The following DPYD variants were observed in gnomAD, a reference collection of about 807,000 sequenced individuals.
DPYD encodes the protein dihydropyrimidine dehydrogenase.
A neutral mutation model predicts 116.2 loss-of-function variants in DPYD; 109 were observed. That is an observed-to-expected ratio of 0.94 (90% CI 0.80 to 1.10). DPYD has a LOEUF of 1.10. Among genes scored for constraint, DPYD ranks in the 50% least tolerant of loss-of-function variants. The pLI is 0.00. For synonymous variants in DPYD, 440 were observed against 432.0 expected (o/e 1.02, Z -0.23); for missense variants, 1,302 against 1,254.5 (o/e 1.04, Z -0.57).
At chr1:97,629,060 T>C (rs1657104184) in intron 8 of DPYD, among the ~76,000 whole-genome samples, 1 of 152,072 alleles carries the variant, frequency 6.6e-6, no homozygotes, top group Non-Finnish European at 1.5e-5. Context: ...TCACACAAGT[T>C]GGATGTTTTT....
intron 3 of DPYD, among the ~76,000 whole-genome samples, chr1:97,773,121 A>G (rs773913382): frequency 6.6e-6 from 1 of 152,214 alleles, no homozygotes; most frequent in Non-Finnish European, 1.5e-5. Flanking sequence ...ATAAACACTG[A>G]GTTCTTACAA....
intron 8 of DPYD, among the ~76,000 whole-genome samples, chr1:97,630,384 G>C (rs1657184038): frequency 6.6e-6 from 1 of 151,660 alleles, no homozygotes; most frequent in Admixed American, 6.6e-5. Flanking sequence ...TGTTTAATTT[G>C]GTGTTGCTCT....
chr1:97,252,717 A>G (rs1330099933), intron 18 of DPYD, among the ~76,000 whole-genome samples: 1 of 152,198 alleles, frequency 6.6e-6, no homozygotes, highest in Non-Finnish European at 1.5e-5. Context: ...GTCAACAGAA[A>G]TCATATTAAA....
chr1:97,682,154 T>TATTA (rs1201104920), intron 7 of DPYD, among the ~76,000 whole-genome samples: 3 of 152,174 alleles, frequency 2.0e-5, no homozygotes, highest in Middle Eastern at 3.4e-3. Flanking sequence ...TTATACAGTC[T>TATTA]GATTCTACTC....
chr1:97,286,534 C>A (rs1365913073), intron 18 of DPYD, among the ~76,000 whole-genome samples: 3 of 152,022 alleles, frequency 2.0e-5, no homozygotes, highest in Admixed American at 2.0e-4. Flanking sequence ...TGGTTCCATT[C>A]TCCCCGTCAC....
At chr1:97,870,688 C>CAA (rs1671611592) in intron 2 of DPYD, among the ~76,000 whole-genome samples, 2 of 151,732 alleles carry the variant, frequency 1.3e-5, no homozygotes, top group Non-Finnish European at 2.9e-5. Context: ...AATCACAGCA[C>CAA]TTTATTTAAG....
chr1:97,817,000 C>A (rs1028080271), intron 3 of DPYD, among the ~76,000 whole-genome samples: 3 of 152,214 alleles, frequency 2.0e-5, no homozygotes, highest in African/African-American at 7.2e-5. Context: ...TTCTAATGGA[C>A]TTAAGTCATG....
intron 2 of DPYD, among the ~76,000 whole-genome samples, chr1:97,880,504 A>G (rs1172599079): frequency 1.3e-5 from 2 of 151,856 alleles, no homozygotes; most frequent in East Asian, 1.9e-4. Context: ...CCCTAGCTTC[A>G]TATTTCACTT....
chr1:97,876,596 C>A (rs1352417344), intron 2 of DPYD, among the ~76,000 whole-genome samples: 1 of 151,948 alleles, frequency 6.6e-6, no homozygotes, highest in South Asian at 2.1e-4. Context: ...AGATGATCAT[C>A]ATTCATGATA....
chr1:97,128,964 C>CAAAA (rs1653060813), intron 20 of DPYD, among the ~76,000 whole-genome samples: 6 of 152,072 alleles, frequency 3.9e-5, no homozygotes, highest in Admixed American at 2.0e-4. Context: ...GAAGCCCACC[C>CAAAA]AAACTTTGTC....
chr1:97,643,729 T>C (rs1257678740), intron 8 of DPYD, among the ~76,000 whole-genome samples: 1 of 152,164 alleles, frequency 6.6e-6, no homozygotes, highest in Non-Finnish European at 1.5e-5. Flanking sequence ...GTGGCACATA[T>C]ACACCATGGA....
At chr1:97,628,407 T>C (rs974616583) in intron 8 of DPYD, among the ~76,000 whole-genome samples, 3 of 151,914 alleles carry the variant, frequency 2.0e-5, no homozygotes, top group African/African-American at 7.3e-5. Context: ...AAAGAGAAAA[T>C]ATTCTCAGAC....
At chr1:97,301,606 C>T (rs1666867994) in intron 18 of DPYD, among the ~76,000 whole-genome samples, 1 of 151,856 alleles carries the variant, frequency 6.6e-6, no homozygotes, top group Admixed American at 6.6e-5. Flanking sequence ...AAGTTAAAAA[C>T]ACAAGGAACA....
chr1:97,501,456 C>T (rs1444074404), intron 13 of DPYD, among the ~76,000 whole-genome samples: 2 of 152,016 alleles, frequency 1.3e-5, no homozygotes, highest in Non-Finnish European at 2.9e-5. Context: ...AATCCCAGAA[C>T]TTTGGAAGGC....
intron 21 of DPYD, among the ~76,000 whole-genome samples, chr1:97,089,963 T>G (rs145197074): frequency 7.6e-4 from 116 of 152,090 alleles, no homozygotes; most frequent in African/African-American, 2.7e-3. Flanking sequence ...GATGTTCAAA[T>G]GAAATTCATA....
At chr1:97,656,685 A>G (rs1658921120) in intron 8 of DPYD, among the ~76,000 whole-genome samples, 1 of 152,182 alleles carries the variant, frequency 6.6e-6, no homozygotes, top group African/African-American at 2.4e-5. Context: ...GTGACAATCC[A>G]GGACAGGATA....
intron 14 of DPYD, among the ~76,000 whole-genome samples, chr1:97,443,316 C>T (rs141420760): frequency 0.017 from 2,598 of 151,972 alleles, 39 homozygotes; most frequent in Non-Finnish European, 0.026. Context: ...AAATTTGTCC[C>T]GAATTTTGGC....
At chr1:97,642,714 C>G (rs932622598) in intron 8 of DPYD, among the ~76,000 whole-genome samples, 1 of 117,112 alleles carries the variant, frequency 8.5e-6, no homozygotes, top group Non-Finnish European at 1.6e-5. Flanking sequence ...GGGAACATCA[C>G]ACTCTGGGGA....
intron 1 of DPYD, among the ~76,000 whole-genome samples, chr1:97,900,252 A>G (rs1270926011): frequency 6.6e-6 from 1 of 151,902 alleles, no homozygotes; most frequent in Non-Finnish European, 1.5e-5. Context: ...AAAAGGTGCT[A>G]TACGCACTCT....
Sources: allele counts gnomAD v4.1 joint callset (sites outside exome capture counted in the v4.1 genomes callset), GRCh38; gene constraint gnomAD v4.1.1; transcripts MANE v1.5; gene names NCBI Gene and HGNC (gene_info 2026-07-23, HGNC 2026-07-21).